TTC28: variants seen among roughly 807,000 people sequenced by gnomAD.
TTC28 encodes the protein tetratricopeptide repeat domain 28, also known as tetratricopeptide repeat protein 28.
A neutral mutation model predicts 198.0 loss-of-function variants in TTC28; 61 were observed. The ratio of observed to expected loss-of-function variants is 0.31; its 90% CI spans 0.25 to 0.38. TTC28 has a LOEUF of 0.38. Ranked by LOEUF, TTC28 falls within the 10% of genes least tolerant of loss-of-function variation. The pLI is 1.00. For missense variants in TTC28, 2,678 were observed against 3,164.0 expected (o/e 0.85, Z 3.69); for synonymous variants, 1,171 against 1,297.8 (o/e 0.90, Z 2.10).
intron 12 of TTC28, among the ~76,000 whole-genome samples, chr22:28,038,652 A>C (rs1034672040): frequency 2.6e-5 from 4 of 152,222 alleles, no homozygotes; most frequent in African/African-American, 7.2e-5. Context: ...TGGCAACAAA[A>C]GCCAAAATTG....
Position 28,019,747 on chromosome 22 carries a change from C to T in TTC28, c.4074-5355G>A, listed in dbSNP as rs530419192. ...GCTCTGATCTCCACAGGCCTTTCGC[C>T]CTGGCTGACTTCTCTTTGCCTCAGC... On this transcript the variant is annotated intron_variant, in intron 13 of 22. Coordinates refer to ENST00000397906, the MANE Select transcript of TTC28 (RefSeq NM_001145418.2). 5.3e-5 allele frequency among the ~76,000 whole-genome samples: 8 copies of T among 152,366 alleles called. No homozygotes were observed. The South Asian group carries it at 1.7e-3, about 32-fold the overall frequency.
intron 9 of TTC28, 95 bp downstream of exon 9, chr22:28,101,076 C>T (rs774677608): frequency 1.0e-5 from 9 of 860,282 alleles, no homozygotes; most frequent in Non-Finnish European, 1.6e-5. Context: ...GAAGTCAGTG[C>T]CTCTTGTAAA....
intron 2 of TTC28, among the ~76,000 whole-genome samples, chr22:28,438,234 T>C (rs934005852): frequency 6.6e-6 from 1 of 152,228 alleles, no homozygotes; most frequent in African/African-American, 2.4e-5. Context: ...TAATTTAGTA[T>C]AGGCATATTA....
chr22:28,482,394 G>A (rs2048263095), intron 2 of TTC28, among the ~76,000 whole-genome samples: 1 of 151,672 alleles, frequency 6.6e-6, no homozygotes, highest in Admixed American at 6.6e-5. Context: ...ATTTTTAGTA[G>A]AGACAGGGTT....
intron 2 of TTC28, among the ~76,000 whole-genome samples, chr22:28,502,252 G>A (rs1005934459): frequency 6.6e-6 from 1 of 152,108 alleles, no homozygotes; most frequent in Non-Finnish European, 1.5e-5. Context: ...CTTGAAGCTT[G>A]GAAAATGTTC....
chr22:28,634,028 A>T (rs1253707523), intron 1 of TTC28, among the ~76,000 whole-genome samples: 1 of 152,204 alleles, frequency 6.6e-6, no homozygotes, highest in Non-Finnish European at 1.5e-5. Context: ...GAAAGATTCT[A>T]AATACTAGAG....
At chr22:28,617,544 G>C (rs1364299112) in intron 2 of TTC28, among the ~76,000 whole-genome samples, 1 of 152,072 alleles carries the variant, frequency 6.6e-6, no homozygotes, top group South Asian at 2.1e-4. Context: ...GAAGGTACAT[G>C]AATATGTACC....
chr22:28,050,278 CT>C (rs952891182), intron 12 of TTC28, among the ~76,000 whole-genome samples: 8 of 152,148 alleles, frequency 5.3e-5, no homozygotes, highest in Non-Finnish European at 1.2e-4. Flanking sequence ...GACACATTTT[CT>C]AAAGGCAATC....
intron 2 of TTC28, among the ~76,000 whole-genome samples, chr22:28,343,221 G>A (rs1286889917): frequency 1.3e-5 from 2 of 152,116 alleles, no homozygotes; most frequent in Non-Finnish European, 2.9e-5. Flanking sequence ...GAGAAAATCA[G>A]ATGTAACTTT....
chr22:28,534,707 T>C (rs1291172477), intron 2 of TTC28, among the ~76,000 whole-genome samples: 2 of 152,156 alleles, frequency 1.3e-5, no homozygotes, highest in Non-Finnish European at 2.9e-5. Flanking sequence ...ATGTGGCACA[T>C]ATACAGCATG....
rs138635 is a variant in TTC28 at position 27,981,230 on chromosome 22, A to ATTTTTTTTTTTTT, written c.*978_*990dup. ...TGGTTAAATCTAGTTAGCCATGGAA[A>ATTTTTTTTTTTTT]TTTTTTTTTTTTTTTTTTTTTTTTT... On this transcript the variant is annotated 3_prime_UTR_variant, in exon 23 of 23. Coordinates refer to ENST00000397906, the MANE Select transcript of TTC28 (RefSeq NM_001145418.2). 9 of 48,218 alleles carry ATTTTTTTTTTTTT rather than the reference A, an allele frequency of 1.9e-4. 2 individuals carry two copies. The highest frequency in any genetic ancestry group is 1.4e-3 in the East Asian group (2 of 1,438). The allele number at this position is 48,218 out of a possible 1,614,324, so 3.0% of individuals were successfully genotyped here.
chr22:28,447,865 T>C (rs980858349), intron 2 of TTC28, among the ~76,000 whole-genome samples: 1 of 152,212 alleles, frequency 6.6e-6, no homozygotes, highest in African/African-American at 2.4e-5. Flanking sequence ...ATAGCACTTG[T>C]TTCCCTGCTG....
chr22:28,040,303 A>G (rs1939566474), intron 12 of TTC28, among the ~76,000 whole-genome samples: 1 of 152,228 alleles, frequency 6.6e-6, no homozygotes, highest in Non-Finnish European at 1.5e-5. Context: ...ATTTTAGGCC[A>G]ATATCCCTGA....
intron 5 of TTC28, among the ~76,000 whole-genome samples, chr22:28,295,443 C>T (rs1028833578): frequency 1.1e-4 from 17 of 152,002 alleles, no homozygotes; most frequent in Admixed American, 4.6e-4. Flanking sequence ...GGCACCATGC[C>T]GGGCACTTTA....
Position 27,999,036 on chromosome 22 carries a change from T to C in TTC28, c.4623A>G (p.Glu1541=), listed in dbSNP as rs2043951392. ...AGATGTGGGTGGCAAAGTGGACGCA[T>C]TCAGCCTGGGTCAGGGCACTCATGA... ...ERVMSALTQA[E]CVHFATHISW... The change falls in exon 16 of 23, where the codon GAA becomes GAG. Residue 1541 remains glutamate, a synonymous_variant. Transcript: ENST00000397906. 6.5e-7 allele frequency: 1 copy of C among 1,550,368 alleles called. No individual in the cohort carries two copies. The highest frequency in any genetic ancestry group is 8.7e-7 in the Non-Finnish European group (1 of 1,146,970).
At chr22:28,624,045 A>G (rs2051040356) in intron 2 of TTC28, among the ~76,000 whole-genome samples, 2 of 152,230 alleles carry the variant, frequency 1.3e-5, no homozygotes, top group African/African-American at 4.8e-5. Flanking sequence ...AACAGCAGAC[A>G]TCAGTGAAAG....
intron 2 of TTC28, among the ~76,000 whole-genome samples, chr22:28,428,942 T>A (rs2047394459): frequency 6.6e-6 from 1 of 152,132 alleles, no homozygotes; most frequent in African/African-American, 2.4e-5. Context: ...GCCCAGCCCA[T>A]TTCATGAATT....
intron 2 of TTC28, among the ~76,000 whole-genome samples, chr22:28,425,716 C>G (rs962648314): frequency 6.6e-6 from 1 of 152,116 alleles, no homozygotes; most frequent in Non-Finnish European, 1.5e-5. Context: ...AGAGCCTCAC[C>G]GTGAAGAGGC....
chr22:28,400,664 T>G (rs2046892966), intron 2 of TTC28, among the ~76,000 whole-genome samples: 2 of 152,196 alleles, frequency 1.3e-5, no homozygotes, highest in South Asian at 4.1e-4. Flanking sequence ...TTTCCCAATC[T>G]GGAAGAAAAC....
Sources: allele counts gnomAD v4.1 joint callset (sites outside exome capture counted in the v4.1 genomes callset), GRCh38; gene constraint gnomAD v4.1.1; transcripts MANE v1.5; gene names NCBI Gene and HGNC (gene_info 2026-07-23, HGNC 2026-07-21).